Variants in TEX9 observed in about 807,000 individuals in gnomAD.
TEX9 encodes the protein testis-expressed protein 9.
A neutral mutation model predicts 59.6 loss-of-function variants in TEX9; 74 were observed. The observed-to-expected ratio is 1.24, with a 90% CI of 1.03 to 1.51. The LOEUF is 1.51. TEX9 is among the 40% of genes most tolerant of loss of function. TEX9 has a pLI of 0.00. For missense variants in TEX9, 522 were observed against 447.8 expected (o/e 1.17, Z -1.49); for synonymous variants, 186 against 152.2 (o/e 1.22, Z -1.64).
rs1567100075 is a variant in TEX9, at chr15:56,365,578, G to A, written c.28-1G>A. Reference sequence around the variant, plus strand: ...TCTGAAAGTCTGTGGCTCTTTTACAGAGAAGCAGCGTTCCAGGGACTCCGT... The same window carrying A: ...TCTGAAAGTCTGTGGCTCTTTTACAAAGAAGCAGCGTTCCAGGGACTCCGT... On this transcript the variant is annotated splice_acceptor_variant, in intron 1 of 12. Transcript: ENST00000352903. LOFTEE classifies it high-confidence loss of function. The A allele has an allele frequency of 6.2e-7, 1 of 1,614,194 alleles. No individual in the cohort carries two copies. The highest frequency in any genetic ancestry group is 8.5e-7 in the Non-Finnish European group (1 of 1,180,030).
intron 7 of TEX9, 84 bp from the exon 8 acceptor site, chr15:56,394,081 C>A: frequency 7.7e-7 from 1 of 1,304,536 alleles, no homozygotes; most frequent in Non-Finnish European, 1.1e-6. Context: ...GTATTTTCTT[C>A]TTTATAAAGT....
At chr15:56,268,141 A>G (rs1221403574) in intron 1 of TEX9, among the ~76,000 whole-genome samples, 6 of 152,180 alleles carry the variant, frequency 3.9e-5, no homozygotes, top group Admixed American at 2.6e-4. Flanking sequence ...TTATTGGTGT[A>G]TAGGAATGCT....
chr15:56,344,699 G>A (rs151158126), intron 1 of TEX9, among the ~76,000 whole-genome samples: 157 of 152,010 alleles, frequency 1.0e-3, no homozygotes, highest in Middle Eastern at 6.8e-3. Context: ...ATCATATTTG[G>A]ATATTTGGCC....
At chr15:56,394,561 T>C in intron 8 of TEX9, 100 bp from the exon 9 acceptor site, 1 of 895,916 alleles carries the variant, frequency 1.1e-6, no homozygotes, top group South Asian at 1.7e-5. Context: ...ATGAAACGTG[T>C]ATAAATATCA....
At position 56,418,742 on chromosome 15, in the gene TEX9, C is replaced by T. The variant is rs191871697; in HGVS notation, c.963+6306C>T. The stretch of plus-strand genomic sequence containing the variant: ...TTGAATGTTTAGATAATCCATGAAG[C>T]AACACCTAGATAATTATCGAATTTA... On this transcript the variant is annotated intron_variant, in intron 10 of 12. Transcript: ENST00000352903. Among the ~76,000 whole-genome samples the T allele has an allele frequency of 1.8e-4, 28 of 151,980 alleles. 1 individual carries two copies. Among genetic ancestry groups the T allele is most frequent in the African/African-American group, 6.3e-4 (26 of 41,286 alleles).
At chr15:56,245,564 C>T (rs1351236602) in intron 1 of TEX9, among the ~76,000 whole-genome samples, 1 of 152,186 alleles carries the variant, frequency 6.6e-6, no homozygotes, top group Non-Finnish European at 1.5e-5. Flanking sequence ...AATTGATAGA[C>T]ATGGTGTGCA....
chr15:56,279,087 A>G (rs2044752239), intron 1 of TEX9, among the ~76,000 whole-genome samples: 1 of 152,170 alleles, frequency 6.6e-6, no homozygotes, highest in African/African-American at 2.4e-5. Flanking sequence ...CAACATACAT[A>G]CATATATATA....
chr15:56,408,104 C>G (rs909962878), intron 9 of TEX9, among the ~76,000 whole-genome samples: 1 of 152,156 alleles, frequency 6.6e-6, no homozygotes, highest in African/African-American at 2.4e-5. Context: ...ACCTCCAGTC[C>G]TATATCATTG....
chr15:56,371,472 C>A (rs2047187224), intron 2 of TEX9, among the ~76,000 whole-genome samples: 1 of 149,346 alleles, frequency 6.7e-6, no homozygotes, highest in African/African-American at 2.5e-5. Flanking sequence ...TTTTTTTTTT[C>A]CAAATTAATG....
chr15:56,427,877 CAT>C, intron 11 of TEX9, 138 bp downstream of exon 11: 1 of 618,032 alleles, frequency 1.6e-6, no homozygotes, highest in Non-Finnish European at 2.6e-6. Flanking sequence ...CATATGAAAT[CAT>C]ATGAAATCTA....
chr15:56,286,683 T>G (rs949882269), intron 1 of TEX9, among the ~76,000 whole-genome samples: 3 of 152,142 alleles, frequency 2.0e-5, no homozygotes, highest in African/African-American at 7.2e-5. Context: ...TCTCCAAGAA[T>G]GGCAGAGGTC....
At chr15:56,453,425 A>G in the TEX9 span, among the ~76,000 whole-genome samples, 1 of 152,022 alleles carries the variant, frequency 6.6e-6, no homozygotes, top group African/African-American at 2.4e-5. Flanking sequence ...AATCTATCTC[A>G]TCTATTTTAT....
the TEX9 span, chr15:56,456,542 C>A: frequency 6.2e-7 from 1 of 1,603,756 alleles, no homozygotes; most frequent in South Asian, 1.1e-5. Flanking sequence ...AATTTAACTT[C>A]GTTGTTTGTC....
chr15:56,322,929 G>T (rs1167384837), intron 1 of TEX9, among the ~76,000 whole-genome samples: 3 of 152,048 alleles, frequency 2.0e-5, no homozygotes, highest in Non-Finnish European at 2.9e-5. Flanking sequence ...ATGGGGTGAG[G>T]CATGGTAAAG....
chr15:56,255,734 A>G (rs540028361), intron 1 of TEX9, among the ~76,000 whole-genome samples: 20 of 152,214 alleles, frequency 1.3e-4, no homozygotes, highest in Non-Finnish European at 2.6e-4. Flanking sequence ...TATAACCTAT[A>G]AAGTGAAAAT....
chr15:56,366,485 C>T (rs763051843), intron 2 of TEX9, among the ~76,000 whole-genome samples: 2 of 152,168 alleles, frequency 1.3e-5, no homozygotes, highest in Admixed American at 6.5e-5. Context: ...CCTTCCTTGA[C>T]CATGCTAAGT....
exon 8 of TEX9, chr15:56,394,221 A>C (rs765927294): frequency 6.2e-7 from 1 of 1,608,806 alleles, no homozygotes; most frequent in Admixed American, 1.7e-5. Context: ...GGAATTGGAT[A>C]ATGTTGTATG....
intron 6 of TEX9, 121 bp from the exon 7 acceptor site, chr15:56,391,122 T>C (rs2048188810): frequency 3.9e-6 from 2 of 510,580 alleles, no homozygotes; most frequent in Non-Finnish European, 6.3e-6. Context: ...TCATCATAAA[T>C]TTAAATTTAT....
chr15:56,275,586 C>A (rs1487694388), intron 1 of TEX9, among the ~76,000 whole-genome samples: 1 of 152,140 alleles, frequency 6.6e-6, no homozygotes, highest in East Asian at 1.9e-4. Context: ...TTTTTAGTGG[C>A]CCCATCTTCC....
Sources: gnomAD v4.1 joint callset for allele counts (sites outside exome capture counted in the v4.1 genomes callset) on GRCh38, gnomAD v4.1.1 for gene constraint, MANE v1.5 for transcripts, NCBI Gene and HGNC (gene_info 2026-07-23, HGNC 2026-07-21) for gene names.